Variants in CGRRF1 observed in about 807,000 individuals in gnomAD.
CGRRF1 encodes the protein cell growth regulator with ring finger domain 1.
A neutral mutation model predicts 37.2 loss-of-function variants in CGRRF1; 32 were observed. That is an observed-to-expected ratio of 0.86 (90% CI 0.65 to 1.16). The LOEUF (loss-of-function observed/expected upper bound fraction) is 1.16, where lower values mean the gene tolerates loss of function less well. Among genes scored for constraint, CGRRF1 ranks in the 50% most tolerant of loss-of-function variants. The pLI is 0.00. For missense variants in CGRRF1, 391 were observed against 382.6 expected (o/e 1.02, Z -0.18); for synonymous variants, 141 against 140.3 (o/e 1.00, Z -0.04).
At position 54,539,223 on chromosome 14, in the gene CGRRF1, G is replaced by T. The variant is rs1429454263; in HGVS notation, c.*840G>T. 6.6e-6 allele frequency: 1 copy of T among 152,082 alleles called. No homozygotes were observed. The highest frequency in any genetic ancestry group is 1.5e-5 in the Non-Finnish European group (1 of 67,992). 9.4% of individuals were successfully genotyped at this position (152,082 alleles called of 1,614,324 possible). On this transcript the variant is annotated 3_prime_UTR_variant, in exon 6 of 6. Coordinates refer to ENST00000216420, the MANE Select transcript of CGRRF1 (RefSeq NM_006568.3). Reference sequence around the variant, plus strand: ...TATAGAGCTAGAAAAATCACTAAAAGAAACAAATAACTATTTTTTTCTAGT... The same window carrying T: ...TATAGAGCTAGAAAAATCACTAAAATAAACAAATAACTATTTTTTTCTAGT...
intron 4 of CGRRF1, among the ~76,000 whole-genome samples, chr14:54,532,701 TAAA>T (rs200522235): frequency 5.0e-5 from 6 of 120,882 alleles, no homozygotes; most frequent in Admixed American, 1.7e-4. Context: ...ATTTGATAAG[TAAA>T]AAAAAAAAAA....
At chr14:54,531,287 G>A (rs955052559) in intron 4 of CGRRF1, among the ~76,000 whole-genome samples, 1 of 151,816 alleles carries the variant, frequency 6.6e-6, no homozygotes, top group Non-Finnish European at 1.5e-5. Context: ...ATATATAATG[G>A]TTGAATTAAG....
At chr14:54,519,435 A>T (rs2032277129) in intron 1 of CGRRF1, among the ~76,000 whole-genome samples, 1 of 138,104 alleles carries the variant, frequency 7.2e-6, no homozygotes, top group Non-Finnish European at 1.5e-5. Context: ...TTTTTTGTAG[A>T]GATGGGGTCT....
intron 4 of CGRRF1, chr14:54,536,529 G>T (rs530403886): frequency 4.6e-5 from 7 of 152,292 alleles, no homozygotes; most frequent in African/African-American, 1.7e-4. Context: ...ATATATGAGA[G>T]TGTATTTCCA....
At chr14:54,535,730 C>T (rs1424245548) in intron 4 of CGRRF1, among the ~76,000 whole-genome samples, 1 of 152,122 alleles carries the variant, frequency 6.6e-6, no homozygotes, top group Non-Finnish European at 1.5e-5. Flanking sequence ...TTCATCTTTA[C>T]TGTGATGGTT....
At chr14:54,510,785 A>G (rs936709368) in intron 1 of CGRRF1, among the ~76,000 whole-genome samples, 8 of 152,150 alleles carry the variant, frequency 5.3e-5, no homozygotes, top group African/African-American at 9.7e-5. Context: ...AGGAGATGCT[A>G]TTGTATCATG....
chr14:54,533,202 T>G (rs1033958558), intron 4 of CGRRF1, among the ~76,000 whole-genome samples: 7 of 152,058 alleles, frequency 4.6e-5, no homozygotes, highest in African/African-American at 1.4e-4. Flanking sequence ...TTAACCATTT[T>G]TGTGTGTGTG....
intron 2 of CGRRF1, among the ~76,000 whole-genome samples, chr14:54,524,807 A>G (rs1456443749): frequency 1.3e-5 from 2 of 152,174 alleles, no homozygotes; most frequent in South Asian, 2.1e-4. Context: ...CCTATAATAG[A>G]TAACAGTTCA....
intron 2 of CGRRF1, among the ~76,000 whole-genome samples, chr14:54,523,976 C>T (rs2032365294): frequency 1.3e-5 from 2 of 152,210 alleles, no homozygotes; most frequent in Admixed American, 6.5e-5. Flanking sequence ...CCGTATTTCT[C>T]TTCTTCCCCT....
At chr14:54,515,266 T>A (rs1183667211) in intron 1 of CGRRF1, among the ~76,000 whole-genome samples, 1 of 151,534 alleles carries the variant, frequency 6.6e-6, no homozygotes, top group Non-Finnish European at 1.5e-5. Flanking sequence ...TTTTTTTTTT[T>A]AATTTTTAGT....
intron 1 of CGRRF1, among the ~76,000 whole-genome samples, chr14:54,519,687 C>T (rs1478285644): frequency 6.6e-6 from 1 of 152,220 alleles, no homozygotes; most frequent in Non-Finnish European, 1.5e-5. Context: ...TACATGAAGG[C>T]TTGGTTGCCA....
At position 54,538,425 on chromosome 14, in the gene CGRRF1, C is replaced by CA. The variant is rs761680710; in HGVS notation, c.*43dup. On this transcript the variant is annotated 3_prime_UTR_variant, in exon 6 of 6. Transcript: ENST00000216420. ...AAAAGTACACTTTCTACTAAAGATG[C>CA]AGAAATTGATGATCTTGGAATTCAT... The CA allele has an allele frequency of 1.4e-6, 2 of 1,403,056 alleles. No individual in the cohort carries two copies. The highest frequency in any genetic ancestry group is 2.9e-5 in the African/African-American group (2 of 69,878). 86.9% of individuals were successfully genotyped at this position (1,403,056 alleles called of 1,614,324 possible).
rs761417839 is a variant in CGRRF1 at position 54,537,839 on chromosome 14, A to T, written c.678+10A>T. On this transcript the variant is annotated intron_variant, in intron 5 of 5. Transcript: ENST00000216420. ...ATTTCATGATCTTAAGGTAAGCCGT[A>T]CTCTGTAGTCTTATCTCTGTCTCTT... 1.3e-6 allele frequency: 2 copies of T among 1,594,184 alleles called. No homozygotes were observed. The highest frequency in any genetic ancestry group is 1.7e-6 in the Non-Finnish European group (2 of 1,175,064).
intron 1 of CGRRF1, among the ~76,000 whole-genome samples, chr14:54,511,834 A>G (rs548686619): frequency 2.0e-5 from 3 of 152,366 alleles, no homozygotes; most frequent in African/African-American, 7.2e-5. Context: ...GTCTGGGCTA[A>G]GCACTGCTGA....
intron 3 of CGRRF1, 135 bp from the exon 4 acceptor site, chr14:54,530,768 C>G: frequency 1.1e-6 from 1 of 902,994 alleles, no homozygotes. Context: ...GTATTTGTAT[C>G]CTTTTATCTG....
At chr14:54,518,273 C>A (rs560568495) in intron 1 of CGRRF1, among the ~76,000 whole-genome samples, 11 of 152,242 alleles carry the variant, frequency 7.2e-5, no homozygotes, top group African/African-American at 2.6e-4. Context: ...AGGCCAGGCG[C>A]AGTGGCTCAT....
At position 54,538,247 on chromosome 14, in the gene CGRRF1, C is replaced by G; in HGVS notation, c.863C>G (p.Pro288Arg). 1.2e-6 allele frequency: 2 copies of G among 1,614,142 alleles called. No individual in the cohort carries two copies. The highest frequency in any genetic ancestry group is 1.7e-6 in the Non-Finnish European group (2 of 1,179,998). ...GGGACTGTGAACTGGGTACTCTTAC[C>G]ATGCAGACACACATGCCTGTGTGAT... Reference protein sequence around the residue: ...QNGTVNWVLLPCRHTCLCDGC... With the variant: ...QNGTVNWVLLRCRHTCLCDGC... Residue 288 changes from proline (P) to arginine (R), a missense_variant, in exon 6 of 6, where the codon CCA (proline) becomes CGA (arginine). Transcript: ENST00000216420.
At chr14:54,511,092 T>C (rs1051574183) in intron 1 of CGRRF1, among the ~76,000 whole-genome samples, 2 of 152,196 alleles carry the variant, frequency 1.3e-5, no homozygotes, top group African/African-American at 4.8e-5. Flanking sequence ...AGAGAACATG[T>C]TAGTGAATAA....
Position 54,531,079 on chromosome 14 carries a change from AC to A in CGRRF1, c.570+31del, listed in dbSNP as rs773542564. On this transcript the variant is annotated intron_variant, in intron 4 of 5. Coordinates refer to ENST00000216420, the MANE Select transcript of CGRRF1 (RefSeq NM_006568.3). ...AGTAATTGAAAATTTTGAAAGCATT[AC>A]CTTTAAGTGATTTGAATGGTGGTTC... is the stretch of plus-strand genomic sequence containing the variant. 8 of 1,520,358 alleles carry A rather than the reference AC, an allele frequency of 5.3e-6. No homozygotes were observed. The African/African-American group carries it at 9.7e-5, about 18-fold the overall frequency. 94.2% of individuals were successfully genotyped at this position (1,520,358 alleles called of 1,614,324 possible).
Sources: allele counts gnomAD v4.1 joint callset (sites outside exome capture counted in the v4.1 genomes callset), GRCh38; gene constraint gnomAD v4.1.1; transcripts MANE v1.5; gene names NCBI Gene and HGNC (gene_info 2026-07-23, HGNC 2026-07-21).